Variants in PCMT1 observed in about 807,000 individuals in gnomAD.
PCMT1 encodes protein-L-isoaspartate (D-aspartate) O-methyltransferase.
Under a neutral mutation model 29.2 loss-of-function variants are expected in PCMT1, and 9 were observed. The ratio of observed to expected loss-of-function variants is 0.31; its 90% CI spans 0.19 to 0.54. The LOEUF (loss-of-function observed/expected upper bound fraction) is 0.54. Ranked by LOEUF, PCMT1 falls within the 20% of genes least tolerant of loss-of-function variation. The probability of loss-of-function intolerance (pLI) is 0.95; values close to 1 mark genes in which losing one functional copy is unlikely to be tolerated. For missense variants in PCMT1, 184 were observed against 282.2 expected (o/e 0.65, Z 2.49); for synonymous variants, 98 against 97.5 (o/e 1.00, Z -0.03).
At chr6:149,774,043 A>G (rs1385364661) in intron 3 of PCMT1, among the ~76,000 whole-genome samples, 1 of 151,996 alleles carries the variant, frequency 6.6e-6, no homozygotes, top group Non-Finnish European at 1.5e-5. Flanking sequence ...GCTGGAATGC[A>G]GTGGTATAAT....
At chr6:149,779,213 A>G (rs1285955037) in intron 3 of PCMT1, among the ~76,000 whole-genome samples, 1 of 150,694 alleles carries the variant, frequency 6.6e-6, no homozygotes, top group Admixed American at 6.8e-5. Context: ...GTTGATAAGC[A>G]ATTGCTACAA....
chr6:149,776,919 A>C lies in PCMT1; in HGVS notation c.192+3750A>C, dbSNP rs116754912. Among the ~76,000 whole-genome samples, 239 of 152,310 alleles carry C rather than the reference A, an allele frequency of 1.6e-3. 1 individual carries two copies. Among genetic ancestry groups the C allele is most frequent in the African/African-American group, 5.4e-3 (225 of 41,552 alleles). ...ATCTATCGAAATGTGAAATAAATAT[A>C]ACTTAGATTTCCCAGTTTTATTTCA... On this transcript the variant is annotated intron_variant, in intron 3 of 7. Transcript: ENST00000464889.
rs959463584 is a variant in PCMT1 at position 149,808,629 on chromosome 6, AATT to A, written c.*38-1971_*38-1969del. 4.0e-5 allele frequency among the ~76,000 whole-genome samples: 6 copies of A among 151,804 alleles called. No individual in the cohort carries two copies. In the South Asian group the frequency reaches 1.0e-3, roughly 26 times the overall value. On this transcript the variant is annotated intron_variant, in intron 7 of 7. Coordinates refer to ENST00000464889, the MANE Select transcript of PCMT1 (RefSeq NM_001360452.2). ...GTCTTGCAGCAGGTAAATTGTAGTA[AATT>A]ATTATTATTATTATTGTTTTCTGAG...
intron 3 of PCMT1, among the ~76,000 whole-genome samples, chr6:149,774,945 G>A (rs1787498870): frequency 6.6e-6 from 1 of 151,896 alleles, no homozygotes; most frequent in Non-Finnish European, 1.5e-5. Flanking sequence ...GTGACCTTGT[G>A]ATCCGCCCGC....
intron 7 of PCMT1, among the ~76,000 whole-genome samples, chr6:149,804,421 G>T (rs550422041): frequency 6.6e-6 from 1 of 152,210 alleles, no homozygotes; most frequent in East Asian, 1.9e-4. Context: ...TATGACTAGA[G>T]GTAGATTTAC....
At chr6:149,769,512 C>G (rs76962348) in intron 1 of PCMT1, among the ~76,000 whole-genome samples, 1 of 151,268 alleles carries the variant, frequency 6.6e-6, no homozygotes, top group Non-Finnish European at 1.5e-5. Flanking sequence ...TGGGGTTTCA[C>G]CATGTTGGAC....
chr6:149,770,092 C>G (rs971285410), intron 1 of PCMT1, among the ~76,000 whole-genome samples: 4 of 152,278 alleles, frequency 2.6e-5, no homozygotes, highest in Admixed American at 1.3e-4. Context: ...GTCTTCTCTA[C>G]TTATTCTCTG....
rs183092897 is a variant in PCMT1 at position 149,800,349 on chromosome 6, A to G, written c.505-1851A>G. 2.6e-5 allele frequency among the ~76,000 whole-genome samples: 4 copies of G among 152,090 alleles called. No individual in the cohort carries two copies. The East Asian group carries it at 7.7e-4, about 29-fold the overall frequency. On this transcript the variant is annotated intron_variant, in intron 6 of 7. Coordinates refer to ENST00000464889, the MANE Select transcript of PCMT1 (RefSeq NM_001360452.2). ...TCGGGCTCGGTGGTGGGCACCTGTA[A>G]TCCCAGCTACTTGGGAGGCTGAGGC...
At chr6:149,758,224 T>A (rs1359895150) in intron 1 of PCMT1, among the ~76,000 whole-genome samples, 1 of 140,966 alleles carries the variant, frequency 7.1e-6, no homozygotes, top group Non-Finnish European at 1.5e-5. Context: ...TTTTTTTTTT[T>A]TTCTGAGACA....
chr6:149,782,496 C>T (rs1290400448), intron 3 of PCMT1, among the ~76,000 whole-genome samples: 2 of 152,148 alleles, frequency 1.3e-5, no homozygotes, highest in African/African-American at 4.8e-5. Flanking sequence ...GCAGTGAGCA[C>T]ACCTGGCATC....
chr6:149,793,558 A>C lies in PCMT1; in HGVS notation c.307A>C (p.Thr103Pro), dbSNP rs936584675. 4 of 1,479,412 alleles carry C rather than the reference A, an allele frequency of 2.7e-6. No individual in the cohort carries two copies. The highest frequency in any genetic ancestry group is 1.8e-6 in the Non-Finnish European group (2 of 1,120,228). 91.6% of individuals were successfully genotyped at this position (1,479,412 alleles called of 1,614,324 possible). ...GTTTTCTCTTTTCCAGGTTGGATGT[A>C]CTGGAAAAGTCATAGGAATTGATCA... The part of the protein sequence containing the change: ...TACFARMVGC[T>P]GKVIGIDHIK... Residue 103 changes from threonine (T) to proline (P), a missense_variant, in exon 5 of 8, where the codon ACT becomes CCT. By Grantham distance (38) the Thr-to-Pro change is conservative. Coordinates refer to ENST00000464889, the MANE Select transcript of PCMT1 (RefSeq NM_001360452.2).
chr6:149,772,017 G>GTCCTGTATTTAACTCCTTC (rs1562404834), intron 2 of PCMT1: 2 of 456,694 alleles, frequency 4.4e-6, no homozygotes, highest in Non-Finnish European at 8.8e-6. Flanking sequence ...TTTTTAGAAA[G>GTCCTGTATTTAACTCCTTC]TCCTGTATTT....
At chr6:149,768,444 ATTTTT>A (rs548328646) in intron 1 of PCMT1, among the ~76,000 whole-genome samples, 2 of 75,834 alleles carry the variant, frequency 2.6e-5, no homozygotes, top group African/African-American at 6.6e-5. Flanking sequence ...TTAGTCTTGA[ATTTTT>A]TTTTTTTTTT....
In PCMT1 at chr6:149,759,126, C is replaced by T. The variant is rs558058972; in HGVS notation, c.55+9170C>T. ...TCTTGACCTCGTGATCTGCCCGGCT[C>T]GGCCTCCCAAAGTGCTGGGATTACA... On this transcript the variant is annotated intron_variant, in intron 1 of 7. Coordinates refer to ENST00000464889, the MANE Select transcript of PCMT1 (RefSeq NM_001360452.2). Among the ~76,000 whole-genome samples, 280 of 152,266 alleles carry T rather than the reference C, an allele frequency of 1.8e-3. 2 individuals carry two copies. The highest frequency in any genetic ancestry group is 6.0e-3 in the African/African-American group (249 of 41,540).
intron 7 of PCMT1, chr6:149,810,013 T>C (rs1289629748): frequency 6.6e-6 from 1 of 152,292 alleles, no homozygotes; most frequent in African/African-American, 2.4e-5. Flanking sequence ...TTAGACTGCA[T>C]TTTTATTCCT....
intron 3 of PCMT1, among the ~76,000 whole-genome samples, chr6:149,789,581 C>G (rs1035363715): frequency 2.6e-5 from 4 of 152,066 alleles, no homozygotes; most frequent in African/African-American, 9.7e-5. Context: ...TGCAAAGAAT[C>G]TATTCCTTCC....
Position 149,785,545 on chromosome 6 carries a change from G to A in PCMT1, c.193-4409G>A, listed in dbSNP as rs1583036857. 5.9e-5 allele frequency among the ~76,000 whole-genome samples: 9 copies of A among 152,082 alleles called. No individual in the cohort carries two copies. In the South Asian group the frequency reaches 1.5e-3, roughly 25 times the overall value. On this transcript the variant is annotated intron_variant, in intron 3 of 7. Coordinates refer to ENST00000464889, the MANE Select transcript of PCMT1 (RefSeq NM_001360452.2). ...AGGTCTCTGGTTTTCCTAGGCAGAG[G>A]ACCCTGAGGCCTTCCGCAGTGTTTG...
At chr6:149,760,812 A>G (rs1786707663) in intron 1 of PCMT1, among the ~76,000 whole-genome samples, 1 of 152,162 alleles carries the variant, frequency 6.6e-6, no homozygotes, top group Non-Finnish European at 1.5e-5. Context: ...AGATCGTACC[A>G]CTGCACTCCA....
chr6:149,774,258 G>A (rs1448494485), intron 3 of PCMT1, among the ~76,000 whole-genome samples: 2 of 137,436 alleles, frequency 1.5e-5, no homozygotes, highest in East Asian at 2.0e-4. Context: ...TTTTTTTTTT[G>A]AGATGGAGTC....
Sources: gnomAD v4.1 joint callset for allele counts (sites outside exome capture counted in the v4.1 genomes callset) on GRCh38, gnomAD v4.1.1 for gene constraint, MANE v1.5 for transcripts, NCBI Gene and HGNC (gene_info 2026-07-23, HGNC 2026-07-21) for gene names.